VAX2: variants seen among roughly 807,000 people sequenced by gnomAD.
The protein encoded by VAX2 is ventral anterior homeobox 2.
VAX2 carries 8 observed loss-of-function variants against 12.5 expected under a neutral mutation model. The ratio of observed to expected loss-of-function variants is 0.64; its 90% CI spans 0.37 to 1.15. VAX2 has a LOEUF of 1.15. Ranked by LOEUF, VAX2 falls within the 50% of genes most tolerant of loss-of-function variation. The pLI is 0.01. For missense variants in VAX2, 476 were observed against 412.9 expected (o/e 1.15, Z -1.32); for synonymous variants, 183 against 187.6 (o/e 0.98, Z 0.20).
At chr2:70,922,801 C>T (rs1275085970) in intron 2 of VAX2, among the ~76,000 whole-genome samples, 2 of 152,190 alleles carry the variant, frequency 1.3e-5, no homozygotes, top group Non-Finnish European at 2.9e-5. Flanking sequence ...CAGCTGGGCT[C>T]AACAGGGGGC....
intron 1 of VAX2, among the ~76,000 whole-genome samples, chr2:70,907,055 G>C (rs542858688): frequency 4.6e-5 from 7 of 152,238 alleles, no homozygotes; most frequent in Non-Finnish European, 1.0e-4. Context: ...TAATTAGGCG[G>C]CCAACGCCTT....
chr2:70,913,137 C>T (rs1046693963), intron 1 of VAX2, among the ~76,000 whole-genome samples: 7 of 152,186 alleles, frequency 4.6e-5, no homozygotes, highest in African/African-American at 1.4e-4. Context: ...ATGCATTTAT[C>T]ACTCACAGAA....
intron 2 of VAX2, among the ~76,000 whole-genome samples, chr2:70,928,841 C>CTG (rs2104786461): frequency 6.6e-6 from 1 of 152,326 alleles, no homozygotes; most frequent in African/African-American, 2.4e-5. Context: ...TTCACATTTC[C>CTG]TGTGGGCCAG....
intron 2 of VAX2, among the ~76,000 whole-genome samples, chr2:70,922,008 C>G (rs1553412934): frequency 3.9e-5 from 6 of 152,130 alleles, no homozygotes. Context: ...AGTAACTAAT[C>G]CCTCCCAAGA....
chr2:70,917,322 CAAAT>C (rs56031108), intron 1 of VAX2, among the ~76,000 whole-genome samples: 8 of 147,382 alleles, frequency 5.4e-5, no homozygotes, highest in East Asian at 2.0e-4. Flanking sequence ...ACTCTATCTC[CAAAT>C]AAATAAATAA....
chr2:70,903,533 C>T (rs868929798), intron 1 of VAX2, among the ~76,000 whole-genome samples: 4 of 152,192 alleles, frequency 2.6e-5, no homozygotes, highest in Non-Finnish European at 2.9e-5. Flanking sequence ...CCTTATAGCC[C>T]TTTAAACCTG....
At chr2:70,907,905 A>C (rs1572887796) in intron 1 of VAX2, among the ~76,000 whole-genome samples, 1 of 152,370 alleles carries the variant, frequency 6.6e-6, no homozygotes, top group East Asian at 1.9e-4. Flanking sequence ...TTTAATCTGC[A>C]GTGATCATCT....
chr2:70,913,595 G>A (rs982539700), intron 1 of VAX2, among the ~76,000 whole-genome samples: 2 of 152,052 alleles, frequency 1.3e-5, no homozygotes, highest in Admixed American at 6.6e-5. Context: ...AGAATCGTTC[G>A]AACCCAGGAG....
intron 2 of VAX2, among the ~76,000 whole-genome samples, chr2:70,928,382 C>G (rs1352755788): frequency 2.0e-5 from 3 of 152,184 alleles, no homozygotes; most frequent in Non-Finnish European, 4.4e-5. Context: ...GCATGAGGCC[C>G]GGACATCATC....
chr2:70,900,725 G>T lies in VAX2; in HGVS notation c.104G>T (p.Arg35Leu). 1 of 1,411,632 alleles carries T rather than the reference G, an allele frequency of 7.1e-7. No individual in the cohort carries two copies. The allele number at this position is 1,411,632 out of a possible 1,614,324, so 87.4% of individuals were successfully genotyped here. The change falls in exon 1 of 3, where the codon CGA becomes CTA. Residue 35 changes from arginine to leucine, a missense_variant. Arg to Leu is a moderately radical substitution (Grantham distance 102, BLOSUM62 -2). Coordinates refer to ENST00000234392, the MANE Select transcript of VAX2 (RefSeq NM_012476.3). ...GACCGCAGCGGAGCGGGGGACTTGC[G>T]AGCTGATGGCGGTGGCCACAGCCCA... ...CGDRSGAGDL[R>L]ADGGGHSPTE...
At chr2:70,927,123 T>G (rs1168450513) in intron 2 of VAX2, among the ~76,000 whole-genome samples, 2 of 152,150 alleles carry the variant, frequency 1.3e-5, no homozygotes, top group African/African-American at 4.8e-5. Context: ...TTTTATTTAT[T>G]TTTGTTTTTT....
chr2:70,927,975 G>A (rs1356332815), intron 2 of VAX2, among the ~76,000 whole-genome samples: 4 of 152,194 alleles, frequency 2.6e-5, no homozygotes, highest in South Asian at 2.1e-4. Context: ...TGCTGGCCCC[G>A]CCACCCTGTG....
intron 2 of VAX2, among the ~76,000 whole-genome samples, 157 bp downstream of exon 2, chr2:70,921,442 A>C (rs1227289958): frequency 6.6e-6 from 1 of 152,158 alleles, no homozygotes; most frequent in African/African-American, 2.4e-5. Flanking sequence ...ACCAGAGTGA[A>C]AGAGCAAATA....
At position 70,904,804 on chromosome 2, in the gene VAX2, C is replaced by T. The variant is rs1265114496; in HGVS notation, c.247+3936C>T. Among the ~76,000 whole-genome samples the T allele has an allele frequency of 1.3e-5, 2 of 152,224 alleles. No homozygotes were observed. Among genetic ancestry groups the T allele is most frequent in the African/African-American group, 4.8e-5 (2 of 41,458 alleles). On this transcript the variant is annotated intron_variant, in intron 1 of 2. Coordinates refer to ENST00000234392, the MANE Select transcript of VAX2 (RefSeq NM_012476.3). The surrounding 1 kb of genome is among the most constrained non-coding windows in gnomAD (Gnocchi z 4.2). ...CTTGCTTGGGCTGGGCGATTCCCGC[C>T]GTGGGACGGGTGGGATTGACCTTAG...
At chr2:70,929,339 C>A (rs1679640472) in intron 2 of VAX2, among the ~76,000 whole-genome samples, 1 of 152,206 alleles carries the variant, frequency 6.6e-6, no homozygotes, top group African/African-American at 2.4e-5. Flanking sequence ...TGGGCCACTG[C>A]CAGCCCATAA....
intron 1 of VAX2, among the ~76,000 whole-genome samples, chr2:70,918,144 T>C (rs34566971): frequency 0.023 from 3,563 of 152,344 alleles, 50 homozygotes; most frequent in Non-Finnish European, 0.033. Context: ...TGATAGGCTC[T>C]GCCCAGCAGC....
intron 1 of VAX2, among the ~76,000 whole-genome samples, chr2:70,913,373 T>C (rs782617748): frequency 1.2e-4 from 19 of 152,254 alleles, no homozygotes; most frequent in Non-Finnish European, 2.4e-4. Flanking sequence ...TTAAAATTTA[T>C]TTTTTATTAG....
At chr2:70,915,635 A>G (rs560560038) in intron 1 of VAX2, among the ~76,000 whole-genome samples, 2 of 152,300 alleles carry the variant, frequency 1.3e-5, no homozygotes, top group Admixed American at 1.3e-4. Context: ...TTTATCATCT[A>G]TGATTTGGTC....
chr2:70,906,326 C>T (rs2104758972), intron 1 of VAX2, among the ~76,000 whole-genome samples: 1 of 152,262 alleles, frequency 6.6e-6, no homozygotes, highest in Non-Finnish European at 1.5e-5. Context: ...AAAGAGGTAG[C>T]AGCCCCAGGC....
Sources: allele counts gnomAD v4.1 joint callset (sites outside exome capture counted in the v4.1 genomes callset), GRCh38; gene constraint gnomAD v4.1.1; non-coding constraint Gnocchi (gnomAD v3.1); transcripts MANE v1.5; gene names NCBI Gene and HGNC (gene_info 2026-07-23, HGNC 2026-07-21).